Variants in BCAS4 observed in about 807,000 individuals in gnomAD.
BCAS4 encodes the protein breast carcinoma-amplified sequence 4.
BCAS4 carries 9 observed loss-of-function variants against 15.7 expected under a neutral mutation model. That is an observed-to-expected ratio of 0.57 (90% CI 0.34 to 1.00). The LOEUF is 1.00. BCAS4 is among the 50% of genes least tolerant of loss of function. BCAS4 has a pLI of 0.02. For synonymous variants in BCAS4, 101 were observed against 99.5 expected, an observed-to-expected ratio of 1.02 and a Z score of -0.09; for missense variants, 225 against 239.1, an observed-to-expected ratio of 0.94 and a Z score of 0.39.
At chr20:50,874,074 T>TTACGACA (rs1421939905) in intron 4 of BCAS4, among the ~76,000 whole-genome samples, 1 of 152,182 alleles carries the variant, frequency 6.6e-6, no homozygotes, top group East Asian at 1.9e-4. Context: ...AGCCTCCTGC[T>TTACGACA]GTCTCCACTG....
chr20:50,830,440 C>A (rs531176430), intron 3 of BCAS4, 60 bp downstream of exon 3: 1 of 1,400,014 alleles, frequency 7.1e-7, no homozygotes, highest in East Asian at 2.3e-5. Context: ...TTGCCTTTTC[C>A]GCAAAGACGC....
At position 50,875,491 on chromosome 20, in the gene BCAS4, G is replaced by A. The variant is rs530502877; in HGVS notation, c.400-995G>A. 5.9e-5 allele frequency among the ~76,000 whole-genome samples: 9 copies of A among 152,048 alleles called. No individual in the cohort carries two copies. The East Asian group carries it at 1.4e-3, about 23-fold the overall frequency. ...GAAGAAAAATCAGTCCTGGCCGGGC[G>A]CGGTGGCTCACGCCTGTCATCCTAG... On this transcript the variant is annotated intron_variant, in intron 4 of 4. Transcript: ENST00000371608.
intron 1 of BCAS4, among the ~76,000 whole-genome samples, chr20:50,803,801 CAAAA>C (rs77271343): frequency 4.4e-5 from 4 of 90,998 alleles, no homozygotes; most frequent in Admixed American, 1.3e-4. Flanking sequence ...ACTAGACTCC[CAAAA>C]AAAAAAAAAA....
chr20:50,829,383 G>A (rs1427360734), intron 2 of BCAS4, among the ~76,000 whole-genome samples: 2 of 152,024 alleles, frequency 1.3e-5, no homozygotes, highest in Non-Finnish European at 2.9e-5. Context: ...GCTGAGATTA[G>A]AGGTGTGTGC....
chr20:50,845,806 C>A (rs1320128493), intron 4 of BCAS4, among the ~76,000 whole-genome samples: 1 of 152,252 alleles, frequency 6.6e-6, no homozygotes, highest in African/African-American at 2.4e-5. Context: ...TTGGGTGGCC[C>A]CACGGGAATG....
At chr20:50,849,696 G>A (rs2088586583) in intron 4 of BCAS4, among the ~76,000 whole-genome samples, 1 of 152,226 alleles carries the variant, frequency 6.6e-6, no homozygotes, top group South Asian at 2.1e-4. Context: ...ATAAATGGCG[G>A]CCAGTGGTCA....
At chr20:50,833,998 AG>A (rs1327992860) in intron 3 of BCAS4, among the ~76,000 whole-genome samples, 6 of 152,148 alleles carry the variant, frequency 3.9e-5, no homozygotes, top group African/African-American at 1.4e-4. Context: ...GTGCAAAGAA[AG>A]GTCCAGAGGC....
At chr20:50,796,550 A>G (rs1227369372) in intron 1 of BCAS4, among the ~76,000 whole-genome samples, 32 of 102,630 alleles carry the variant, frequency 3.1e-4, no homozygotes, top group African/African-American at 1.2e-3. Flanking sequence ...GCTGGAGTGC[A>G]TTGGCATGAT....
chr20:50,871,641 G>A (rs150985029), intron 4 of BCAS4, among the ~76,000 whole-genome samples: 12 of 152,354 alleles, frequency 7.9e-5, no homozygotes, highest in South Asian at 4.1e-4. Context: ...GGGTTCACGC[G>A]CTCCAAGTGA....
At chr20:50,837,449 C>T (rs1261603505) in intron 3 of BCAS4, among the ~76,000 whole-genome samples, 1 of 152,210 alleles carries the variant, frequency 6.6e-6, no homozygotes, top group Non-Finnish European at 1.5e-5. Context: ...TCAAATTCCT[C>T]AGTACTTGCC....
intron 1 of BCAS4, among the ~76,000 whole-genome samples, chr20:50,811,512 A>G (rs907830809): frequency 6.6e-6 from 1 of 152,130 alleles, no homozygotes; most frequent in Non-Finnish European, 1.5e-5. Flanking sequence ...AAGAAACCCC[A>G]TCACCATTAG....
chr20:50,864,237 A>G (rs1034740213), intron 4 of BCAS4, among the ~76,000 whole-genome samples: 1 of 152,122 alleles, frequency 6.6e-6, no homozygotes, highest in African/African-American at 2.4e-5. Flanking sequence ...GCCTGATTGC[A>G]TGGGTTTGCA....
chr20:50,842,314 G>T (rs1026086066), intron 4 of BCAS4, among the ~76,000 whole-genome samples: 2 of 152,202 alleles, frequency 1.3e-5, no homozygotes, highest in Admixed American at 1.3e-4. Context: ...CGTCCCTCCT[G>T]CATATGGCTC....
chr20:50,819,460 C>T (rs559216507), intron 2 of BCAS4, among the ~76,000 whole-genome samples: 17 of 152,122 alleles, frequency 1.1e-4, no homozygotes, highest in Non-Finnish European at 2.2e-4. Context: ...GCACCGTGTC[C>T]GGACCCTGAG....
rs1408439188 is a variant in BCAS4 at position 50,870,937 on chromosome 20, T to G, written c.400-5549T>G. 2.0e-5 allele frequency among the ~76,000 whole-genome samples: 3 copies of G among 151,996 alleles called. No individual in the cohort carries two copies. The South Asian group carries it at 6.2e-4, about 32-fold the overall frequency. ...AGCTCACAGCCGTGTCAGGTTTCTG[T>G]GTCTTGACCTATCCTATCCCAGAGC... On this transcript the variant is annotated intron_variant, in intron 4 of 4. Coordinates refer to ENST00000371608, the MANE Select transcript of BCAS4 (RefSeq NM_198799.4).
intron 2 of BCAS4, among the ~76,000 whole-genome samples, chr20:50,824,917 G>GT (rs986114242): frequency 5.6e-4 from 85 of 151,778 alleles, no homozygotes; most frequent in Non-Finnish European, 2.2e-4. Context: ...TACTTTTTTT[G>GT]TTTTTTTTAG....
At chr20:50,803,047 G>T (rs929483393) in intron 1 of BCAS4, among the ~76,000 whole-genome samples, 2 of 152,130 alleles carry the variant, frequency 1.3e-5, no homozygotes, top group Non-Finnish European at 2.9e-5. Flanking sequence ...CAGCTGTGGC[G>T]GTATGCACCT....
At chr20:50,842,566 C>A (rs1359144167) in intron 4 of BCAS4, among the ~76,000 whole-genome samples, 1 of 152,138 alleles carries the variant, frequency 6.6e-6, no homozygotes, top group Non-Finnish European at 1.5e-5. Flanking sequence ...TACAGGTGCA[C>A]GTCACCATGC....
At chr20:50,817,725 T>G (rs932627227) in intron 1 of BCAS4, among the ~76,000 whole-genome samples, 8 of 152,000 alleles carry the variant, frequency 5.3e-5, no homozygotes, top group African/African-American at 1.9e-4. Flanking sequence ...CACATTTTTT[T>G]TGGTATGGTT....
Sources: allele counts gnomAD v4.1 joint callset (sites outside exome capture counted in the v4.1 genomes callset), GRCh38; gene constraint gnomAD v4.1.1; transcripts MANE v1.5; gene names NCBI Gene and HGNC (gene_info 2026-07-23, HGNC 2026-07-21).